SAMHD1: variants seen among roughly 807,000 people sequenced by gnomAD.
SAMHD1 encodes SAM and HD domain containing deoxynucleoside triphosphate triphosphohydrolase 1.
In SAMHD1, 54 loss-of-function variants were observed where a neutral mutation model predicts 79.6. The ratio of observed to expected loss-of-function variants is 0.68; its 90% CI spans 0.55 to 0.85. The LOEUF (loss-of-function observed/expected upper bound fraction) is 0.85. Among genes scored for constraint, SAMHD1 ranks in the 40% least tolerant of loss-of-function variants. SAMHD1 has a pLI of 0.00. For missense variants in SAMHD1, 663 were observed against 782.7 expected, an observed-to-expected ratio of 0.85 and a Z score of 1.82; for synonymous variants, 260 against 264.1, an observed-to-expected ratio of 0.98 and a Z score of 0.15.
intron 5 of SAMHD1, among the ~76,000 whole-genome samples, chr20:36,927,829 T>C (rs1463140695): frequency 6.6e-6 from 1 of 152,114 alleles, no homozygotes; most frequent in African/African-American, 2.4e-5. Flanking sequence ...TTGTTGTTTT[T>C]TGAAGAGACA....
At chr20:36,893,396 G>T in intron 15 of SAMHD1, 1 of 405,416 alleles carries the variant, frequency 2.5e-6, no homozygotes, top group East Asian at 5.2e-5. Flanking sequence ...GAGAAAGACG[G>T]GATGCACTGA....
intron 3 of SAMHD1, among the ~76,000 whole-genome samples, chr20:36,936,113 T>A (rs1186744173): frequency 1.3e-5 from 2 of 151,794 alleles, no homozygotes; most frequent in African/African-American, 4.8e-5. Flanking sequence ...GTGGCGCACA[T>A]CTGTAGTCCC....
chr20:36,924,165 T>C (rs1408616956), intron 6 of SAMHD1, among the ~76,000 whole-genome samples: 1 of 151,764 alleles, frequency 6.6e-6, no homozygotes, highest in African/African-American at 2.4e-5. Context: ...AGTGGGAGAA[T>C]TGCTTGAGCC....
At chr20:36,894,245 A>ATT (rs11483809) in intron 15 of SAMHD1, 468 of 195,182 alleles carry the variant, frequency 2.4e-3, no homozygotes, top group Middle Eastern at 5.7e-3. Flanking sequence ...ATGTGTTATT[A>ATT]TTTTTTTTTG....
In SAMHD1 at chr20:36,891,039, C is replaced by T. The variant is rs551796990; in HGVS notation, c.*1893G>A. The T allele has an allele frequency of 2.0e-5, 3 of 152,302 alleles. No individual in the cohort carries two copies. The South Asian group carries it at 6.2e-4, about 32-fold the overall frequency. 9.4% of individuals were successfully genotyped at this position (152,302 alleles called of 1,614,324 possible). On this transcript the variant is annotated 3_prime_UTR_variant, in exon 16 of 16. Coordinates refer to ENST00000646673, the MANE Select transcript of SAMHD1 (RefSeq NM_015474.4). ...GACCTTAGGTCTGGGCACATGATGTCTGACCCCTATAGAGGCACCTTGGCT... is the reference window on the plus strand; with the variant it reads ...GACCTTAGGTCTGGGCACATGATGTTTGACCCCTATAGAGGCACCTTGGCT...
chr20:36,893,645 A>C (rs1370498988), intron 15 of SAMHD1: 6 of 377,914 alleles, frequency 1.6e-5, no homozygotes, highest in East Asian at 3.9e-5. Context: ...GTAAGAAGCA[A>C]GGCCTCCTAA....
chr20:36,927,011 C>T (rs2063540519), intron 6 of SAMHD1, 171 bp downstream of exon 6: 3 of 602,344 alleles, frequency 5.0e-6, no homozygotes, highest in Non-Finnish European at 8.8e-6. Context: ...TTACAGACTA[C>T]TGTGAGAACC....
chr20:36,933,841 T>C (rs1315723459), intron 4 of SAMHD1, among the ~76,000 whole-genome samples: 1 of 151,822 alleles, frequency 6.6e-6, no homozygotes, highest in Non-Finnish European at 1.5e-5. Flanking sequence ...GGTCAAGAAA[T>C]CAAGACCACC....
chr20:36,941,103 C>A lies in SAMHD1; in HGVS notation c.284G>T (p.Gly95Val), dbSNP rs1277922979. The A allele has an allele frequency of 1.9e-6, 3 of 1,611,152 alleles. No homozygotes were observed. The highest frequency in any genetic ancestry group is 2.5e-6 in the Non-Finnish European group (3 of 1,177,538). Residue 95 changes from glycine to valine, a missense_variant, in exon 3 of 16, where the codon GGG becomes GTG. Gly to Val is a moderately radical substitution (Grantham distance 109). Transcript: ENST00000646673. ...RFENLGVSSLGERKKLLSYIQ... is the reference protein window; with the variant it reads ...RFENLGVSSLVERKKLLSYIQ... ...ATAACTAAGCAGCTTCTTCCTCTCCCCCAAGGAACTAAAATTACAATAGGA... is the reference window on the plus strand; with the variant it reads ...ATAACTAAGCAGCTTCTTCCTCTCCACCAAGGAACTAAAATTACAATAGGA...
intron 6 of SAMHD1, among the ~76,000 whole-genome samples, chr20:36,924,827 G>A (rs1406524844): frequency 6.6e-6 from 1 of 151,924 alleles, no homozygotes; most frequent in African/African-American, 2.4e-5. Context: ...GTTGGGGTTG[G>A]TATTACAGTC....
chr20:36,892,650 T>C lies in SAMHD1; in HGVS notation c.*282A>G. The C allele has an allele frequency of 2.2e-6, 1 of 457,572 alleles. No individual in the cohort carries two copies. The highest frequency in any genetic ancestry group is 4.0e-6 in the Non-Finnish European group (1 of 250,650). 28.3% of individuals were successfully genotyped at this position (457,572 alleles called of 1,614,324 possible). A position where few individuals can be genotyped will look rare whatever the true frequency, so the allele number is the denominator to read the frequency against. On this transcript the variant is annotated 3_prime_UTR_variant, in exon 16 of 16. Coordinates refer to ENST00000646673, the MANE Select transcript of SAMHD1 (RefSeq NM_015474.4). ...TCTTAAAAAAGAAAAAAAATAGAGTTCAGAATAGATAAAAGAGTTGTTATT... is the reference window on the plus strand; with the variant it reads ...TCTTAAAAAAGAAAAAAAATAGAGTCCAGAATAGATAAAAGAGTTGTTATT...
At chr20:36,907,961 C>T (rs190615218) in intron 11 of SAMHD1, among the ~76,000 whole-genome samples, 4 of 152,048 alleles carry the variant, frequency 2.6e-5, no homozygotes, top group East Asian at 1.9e-4. Context: ...TTGCAGCCTC[C>T]GCCTCCTGGG....
At position 36,912,485 on chromosome 20, in the gene SAMHD1, T is replaced by C. The variant is rs771757103; in HGVS notation, c.1130A>G (p.Lys377Arg). ...CATTGTATCAATAATGTTGCCAACT[T>C]TGTGTTGATAAGCTCTACGGTGTAA... ...NSLHRRAYQH[K>R]VGNIIDTMIT... The change falls in exon 10 of 16, where the codon AAA becomes AGA. Residue 377 changes from lysine to arginine, a missense_variant. Transcript: ENST00000646673. 1.9e-6 allele frequency: 3 copies of C among 1,612,264 alleles called. No individual in the cohort carries two copies. The highest frequency in any genetic ancestry group is 1.7e-5 in the Admixed American group (1 of 59,986).
At chr20:36,937,117 G>A (rs1287416784) in intron 3 of SAMHD1, among the ~76,000 whole-genome samples, 1 of 149,774 alleles carries the variant, frequency 6.7e-6, no homozygotes, top group African/African-American at 2.5e-5. Flanking sequence ...CTCCAGCTTG[G>A]GCAACAGAGT....
chr20:36,946,932 A>C, intron 1 of SAMHD1, 128 bp from the exon 2 acceptor site: 1 of 638,200 alleles, frequency 1.6e-6, no homozygotes. Flanking sequence ...GATTGTGCCA[A>C]GTACCACTTT....
chr20:36,945,492 G>C (rs7274094), intron 2 of SAMHD1, among the ~76,000 whole-genome samples: 7,499 of 152,178 alleles, frequency 0.049, 612 homozygotes, highest in African/African-American at 0.17. Context: ...TGGTTCTTAT[G>C]TATTTCCCAG....
chr20:36,910,643 T>C (rs2148364528), intron 11 of SAMHD1, among the ~76,000 whole-genome samples: 1 of 151,430 alleles, frequency 6.6e-6, no homozygotes, highest in South Asian at 2.1e-4. Flanking sequence ...GGCAGGAGAA[T>C]TGCTGAAACC....
At chr20:36,916,110 G>A (rs1197210303) in intron 9 of SAMHD1, among the ~76,000 whole-genome samples, 3 of 151,426 alleles carry the variant, frequency 2.0e-5, no homozygotes, top group Non-Finnish European at 2.9e-5. Context: ...GCAGTGAGCC[G>A]AGATCGTGCC....
At chr20:36,935,216 A>G in intron 3 of SAMHD1, 27 bp from the exon 4 acceptor site, 2 of 1,583,496 alleles carry the variant, frequency 1.3e-6, no homozygotes, top group Non-Finnish European at 1.7e-6. Flanking sequence ...AATTAATACA[A>G]ATAACGACAT....
Sources: allele counts gnomAD v4.1 joint callset (sites outside exome capture counted in the v4.1 genomes callset), GRCh38; gene constraint gnomAD v4.1.1; transcripts MANE v1.5; gene names NCBI Gene and HGNC (gene_info 2026-07-23, HGNC 2026-07-21).